The following TMTC2 variants were observed in gnomAD, a reference collection of about 807,000 sequenced individuals.
The protein encoded by TMTC2 is protein O-mannosyl-transferase TMTC2.
Under a neutral mutation model 82.4 loss-of-function variants are expected in TMTC2, and 43 were observed. The ratio of observed to expected loss-of-function variants is 0.52; its 90% CI spans 0.41 to 0.67. The LOEUF (loss-of-function observed/expected upper bound fraction) is 0.67, where lower values mean the gene tolerates loss of function less well. Ranked by LOEUF, TMTC2 falls within the 30% of genes least tolerant of loss-of-function variation. The pLI, the probability that TMTC2 is intolerant of heterozygous loss-of-function variation, is 0.00. For synonymous variants in TMTC2, 408 were observed against 381.9 expected (o/e 1.07, Z -0.80); for missense variants, 919 against 1,012.4 (o/e 0.91, Z 1.25).
intron 2 of TMTC2, among the ~76,000 whole-genome samples, chr12:82,877,828 C>G (rs1872653151): frequency 2.0e-5 from 3 of 152,010 alleles, no homozygotes; most frequent in Non-Finnish European, 4.4e-5. Flanking sequence ...TAATACAGTA[C>G]CCAGTAGAAG....
At position 82,709,936 on chromosome 12, in the gene TMTC2, A is replaced by G. The variant is rs535979570; in HGVS notation, c.83+22267A>G. Among the ~76,000 whole-genome samples, 250 of 152,334 alleles carry G rather than the reference A, an allele frequency of 1.6e-3. 1 individual carries two copies. Among genetic ancestry groups the G allele is most frequent in the African/African-American group, 5.8e-3 (242 of 41,574 alleles). On this transcript the variant is annotated intron_variant, in intron 1 of 11. Transcript: ENST00000321196. ...GTTGGTGGTGATGCTAGCTAGGCCT[A>G]TTGTAATTCCATAATTCTGTAGTTT...
intron 11 of TMTC2, among the ~76,000 whole-genome samples, chr12:83,092,504 A>G (rs1279942057): frequency 6.6e-6 from 1 of 152,174 alleles, no homozygotes; most frequent in Non-Finnish European, 1.5e-5. Context: ...CTCAAGAGAC[A>G]CTAGGAAATA....
chr12:82,721,751 T>C (rs1874217292), intron 1 of TMTC2, among the ~76,000 whole-genome samples: 1 of 152,236 alleles, frequency 6.6e-6, no homozygotes, highest in African/African-American at 2.4e-5. Flanking sequence ...TTGCCCTGAC[T>C]AAATTTCTGA....
chr12:82,896,982 C>G (rs1303677924), intron 3 of TMTC2, among the ~76,000 whole-genome samples: 1 of 152,170 alleles, frequency 6.6e-6, no homozygotes, highest in Non-Finnish European at 1.5e-5. Flanking sequence ...ATAGGTACAG[C>G]TCTTTTATCA....
chr12:82,979,965 A>G (rs2137326878), intron 7 of TMTC2, among the ~76,000 whole-genome samples: 1 of 151,742 alleles, frequency 6.6e-6, no homozygotes, highest in East Asian at 1.9e-4. Context: ...CACATATTAG[A>G]GCTCCATTGT....
intron 11 of TMTC2, among the ~76,000 whole-genome samples, chr12:83,103,401 C>G (rs1411686559): frequency 6.6e-6 from 1 of 152,130 alleles, no homozygotes; most frequent in Non-Finnish European, 1.5e-5. Context: ...ATAGGCTGTA[C>G]AGGAAGCATG....
At chr12:83,098,335 A>T (rs569727383) in intron 11 of TMTC2, among the ~76,000 whole-genome samples, 2 of 152,210 alleles carry the variant, frequency 1.3e-5, no homozygotes, top group African/African-American at 4.8e-5. Context: ...GTCAATCAGC[A>T]GTTCATCAAA....
chr12:82,954,474 AGTG>A (rs753392305), intron 4 of TMTC2, among the ~76,000 whole-genome samples: 2 of 152,208 alleles, frequency 1.3e-5, no homozygotes, highest in Non-Finnish European at 2.9e-5. Context: ...GTCAATGTTT[AGTG>A]TATTGTTAAG....
chr12:82,900,713 AT>A (rs1397572793), intron 3 of TMTC2, among the ~76,000 whole-genome samples: 19 of 91,080 alleles, frequency 2.1e-4, no homozygotes, highest in African/African-American at 1.1e-3. Flanking sequence ...TATCTCTGGA[AT>A]ATATATATAT....
intron 8 of TMTC2, among the ~76,000 whole-genome samples, chr12:82,996,519 T>A (rs963403586): frequency 3.9e-5 from 6 of 152,224 alleles, no homozygotes; most frequent in Admixed American, 6.5e-5. Context: ...AGTGACAGGA[T>A]GAGGTACATT....
chr12:82,966,830 A>C, intron 6 of TMTC2, 89 bp from the exon 7 acceptor site: 1 of 963,364 alleles, frequency 1.0e-6, no homozygotes, highest in East Asian at 2.6e-5. Context: ...GGATGGTTTT[A>C]ACTTTGGAAG....
chr12:82,815,881 A>T lies in TMTC2; in HGVS notation c.84-41129A>T, dbSNP rs138862083. ...ACAAAGGATAAATCTTCACAGGTAC[A>T]TGGACTGAGGATAGAGTGGGACTGG... On this transcript the variant is annotated intron_variant, in intron 1 of 11. Transcript: ENST00000321196. Among the ~76,000 whole-genome samples, 17 of 152,220 alleles carry T rather than the reference A, an allele frequency of 1.1e-4. No individual in the cohort carries two copies. The East Asian group carries it at 3.1e-3, about 28-fold the overall frequency.
chr12:82,712,099 C>T (rs1470075925), intron 1 of TMTC2, among the ~76,000 whole-genome samples: 1 of 152,148 alleles, frequency 6.6e-6, no homozygotes. Context: ...TCACCTCCTT[C>T]ACCTTTCATC....
At chr12:82,757,658 C>G (rs941176286) in intron 1 of TMTC2, among the ~76,000 whole-genome samples, 1 of 152,192 alleles carries the variant, frequency 6.6e-6, no homozygotes, top group Non-Finnish European at 1.5e-5. Context: ...ATATTTCTCT[C>G]TGCTTAATGC....
intron 1 of TMTC2, among the ~76,000 whole-genome samples, chr12:82,728,443 G>C (rs995721283): frequency 2.0e-5 from 3 of 152,084 alleles, no homozygotes; most frequent in Admixed American, 1.3e-4. Context: ...GACCCAGGCT[G>C]GGCGCGGTGG....
intron 4 of TMTC2, among the ~76,000 whole-genome samples, chr12:82,944,458 C>T (rs1213235815): frequency 2.0e-5 from 3 of 150,926 alleles, no homozygotes; most frequent in African/African-American, 7.3e-5. Flanking sequence ...GTGGCGGGCA[C>T]CAGTAGTCCC....
At chr12:82,989,276 A>AAT (rs1445826185) in intron 8 of TMTC2, among the ~76,000 whole-genome samples, 1 of 152,108 alleles carries the variant, frequency 6.6e-6, no homozygotes, top group African/African-American at 2.4e-5. Flanking sequence ...ATGGGGTCCA[A>AAT]ATGGCAGAGA....
At chr12:82,837,147 G>A (rs1870090761) in intron 1 of TMTC2, among the ~76,000 whole-genome samples, 1 of 152,310 alleles carries the variant, frequency 6.6e-6, no homozygotes, top group South Asian at 2.1e-4. Flanking sequence ...TGGACATATG[G>A]TCCACTTTGT....
chr12:82,716,467 C>G (rs1873905200), intron 1 of TMTC2, among the ~76,000 whole-genome samples: 1 of 151,728 alleles, frequency 6.6e-6, no homozygotes, highest in Non-Finnish European at 1.5e-5. Context: ...GGGTTCACGC[C>G]ATTCTCCTGC....
Sources: allele counts gnomAD v4.1 joint callset (sites outside exome capture counted in the v4.1 genomes callset), GRCh38; gene constraint gnomAD v4.1.1; transcripts MANE v1.5; gene names NCBI Gene and HGNC (gene_info 2026-07-23, HGNC 2026-07-21).